ZNF268: variants seen among roughly 807,000 people sequenced by gnomAD.
ZNF268 encodes zinc finger protein 3.
Under a neutral mutation model 29.3 loss-of-function variants are expected in ZNF268, and 20 were observed. That is an observed-to-expected ratio of 0.68 (90% CI 0.48 to 0.99). The LOEUF is 0.99. Ranked by LOEUF, ZNF268 falls within the 50% of genes least tolerant of loss-of-function variation. The probability of loss-of-function intolerance (pLI) is 0.00; values close to 1 mark genes in which losing one functional copy is unlikely to be tolerated. For missense variants in ZNF268, 1,240 were observed against 1,121.6 expected (o/e 1.11, Z -1.51); for synonymous variants, 429 against 376.9 (o/e 1.14, Z -1.60).
Position 133,203,729 on chromosome 12 carries a change from C to T in ZNF268, c.2043C>T (p.Ser681=). 1 of 1,550,610 alleles carries T rather than the reference C, an allele frequency of 6.4e-7. No individual in the cohort carries two copies. The highest frequency in any genetic ancestry group is 8.7e-7 in the Non-Finnish European group (1 of 1,154,410). ...SQCAKTFSLK[S]QLIVHQRSHT... ...GTGCAAAAACCTTTAGTTTGAAGTC[C>T]CAGCTCATTGTACATCAGAGAAGTC... Residue 681 remains serine (S), a synonymous_variant, in exon 6 of 6, where the codon TCC becomes TCT. Transcript: ENST00000536435.
chr12:133,188,213 T>C, intron 3 of ZNF268, 141 bp downstream of exon 3: 1 of 750,676 alleles, frequency 1.3e-6, no homozygotes. Context: ...ACTTTTTTTT[T>C]TGAGACAGGG....
Position 133,203,263 on chromosome 12 carries a change from A to G in ZNF268, c.1577A>G (p.Lys526Arg). The G allele has an allele frequency of 6.5e-7, 1 of 1,538,510 alleles. No homozygotes were observed. The highest frequency in any genetic ancestry group is 8.7e-7 in the Non-Finnish European group (1 of 1,147,036). ...CATACAAGGACTCATACAGGAGAAAAACTCCATGAATGCAACAATTGTGGG... is the reference window on the plus strand; with the variant it reads ...CATACAAGGACTCATACAGGAGAAAGACTCCATGAATGCAACAATTGTGGG... ...IIHTRTHTGE[K>R]LHECNNCGKA... The change falls in exon 6 of 6, where the codon AAA becomes AGA. Residue 526 changes from lysine (K) to arginine (R), a missense_variant. By Grantham distance (26) the Lys-to-Arg change is conservative (BLOSUM62 2). Coordinates refer to ENST00000536435, the MANE Select transcript of ZNF268 (RefSeq NM_003415.3).
chr12:133,185,580 A>G (rs1163044811), intron 2 of ZNF268, among the ~76,000 whole-genome samples: 8 of 152,148 alleles, frequency 5.3e-5, no homozygotes, highest in African/African-American at 1.9e-4. Context: ...GAGCAGATGA[A>G]CACAGGTGCA....
chr12:133,197,638 G>T (rs1448524581), intron 5 of ZNF268, among the ~76,000 whole-genome samples: 1 of 152,190 alleles, frequency 6.6e-6, no homozygotes, highest in Admixed American at 6.5e-5. Flanking sequence ...GGTTGAACTA[G>T]TTTACAGTCC....
rs905403425 is a variant in ZNF268, at chr12:133,209,732, G to C, written c.*5202G>C. 2 of 152,242 alleles carry C rather than the reference G, an allele frequency of 1.3e-5. No homozygotes were observed. The highest frequency in any genetic ancestry group is 6.5e-5 in the Admixed American group (1 of 15,290). The allele number at this position is 152,242 out of a possible 1,614,324, so 9.4% of individuals were successfully genotyped here. A position where few individuals can be genotyped will look rare whatever the true frequency, so the allele number is the denominator to read the frequency against. On this transcript the variant is annotated 3_prime_UTR_variant, in exon 6 of 6. Coordinates refer to ENST00000536435, the MANE Select transcript of ZNF268 (RefSeq NM_003415.3). Reference sequence around the variant, plus strand: ...TCCAAGCTACTCAGGAGAATTGCTTGAACTGGAGAGGCGGAGGTTGCAGTG... The same window carrying C: ...TCCAAGCTACTCAGGAGAATTGCTTCAACTGGAGAGGCGGAGGTTGCAGTG...
chr12:133,203,248 C>G lies in ZNF268; in HGVS notation c.1562C>G (p.Thr521Ser). Residue 521 changes from threonine (T) to serine (S), a missense_variant, in exon 6 of 6, where the codon ACT (threonine) becomes AGT (serine). Thr to Ser is a moderately conservative substitution (Grantham distance 58). Around this residue, in one of 3 missense-constraint regions of ZNF268, gnomAD observed 1,177 missense variants for 1,039.6 expected, o/e 1.13. Coordinates refer to ENST00000536435, the MANE Select transcript of ZNF268 (RefSeq NM_003415.3). ...SKSYLIIHTR[T>S]HTGEKLHECN... ...TCATACCTTATTATACATACAAGGA[C>G]TCATACAGGAGAAAAACTCCATGAA... 3 of 1,537,964 alleles carry G rather than the reference C, an allele frequency of 2.0e-6. No individual in the cohort carries two copies. The highest frequency in any genetic ancestry group is 2.4e-5 in the East Asian group (1 of 40,870).
chr12:133,194,620 A>G (rs1241514820), intron 5 of ZNF268, among the ~76,000 whole-genome samples: 1 of 152,162 alleles, frequency 6.6e-6, no homozygotes, highest in African/African-American at 2.4e-5. Flanking sequence ...CCCCTGTCTG[A>G]GGGAGGCTCT....
chr12:133,198,170 C>G (rs1271051920), intron 5 of ZNF268, among the ~76,000 whole-genome samples: 1 of 147,668 alleles, frequency 6.8e-6, no homozygotes, highest in African/African-American at 2.5e-5. Context: ...GGTTTTAGGT[C>G]TAACGTTTAA....
chr12:133,210,662 G>T lies in ZNF268; in HGVS notation c.*6132G>T. Reference sequence around the variant, plus strand: ...GTGCCCTCGGGGGTCTCCGGGTCCTGAGTAGAAGCAAGGTCTGTTTGTCAC... The same window carrying T: ...GTGCCCTCGGGGGTCTCCGGGTCCTTAGTAGAAGCAAGGTCTGTTTGTCAC... On this transcript the variant is annotated 3_prime_UTR_variant, in exon 6 of 6. Transcript: ENST00000536435. 1 of 358,956 alleles carries T rather than the reference G, an allele frequency of 2.8e-6. No homozygotes were observed. The highest frequency in any genetic ancestry group is 2.0e-5 in the South Asian group (1 of 49,402). 22.2% of individuals were successfully genotyped at this position (358,956 alleles called of 1,614,324 possible). A position where few individuals can be genotyped will look rare whatever the true frequency, so the allele number is the denominator to read the frequency against.
chr12:133,193,955 TG>T (rs1250283849), intron 5 of ZNF268, among the ~76,000 whole-genome samples: 1 of 152,172 alleles, frequency 6.6e-6, no homozygotes, highest in Non-Finnish European at 1.5e-5. Context: ...TTCCTAACAC[TG>T]GGGAAGTCAG....
intron 5 of ZNF268, among the ~76,000 whole-genome samples, chr12:133,200,208 A>C (rs1049477407): frequency 1.8e-4 from 27 of 152,154 alleles, no homozygotes; most frequent in African/African-American, 6.5e-4. Flanking sequence ...AATGTGTCCC[A>C]GAGATTCTGG....
Position 133,214,814 on chromosome 12 carries a change from A to G in ZNF268, c.*10284A>G, listed in dbSNP as rs1030938715. ...TATTGTGTAAATTTTACCTCAATAA[A>G]AAAATCTAGTCCACAGCATTCCCTC... On this transcript the variant is annotated 3_prime_UTR_variant, in exon 6 of 6. Coordinates refer to ENST00000536435, the MANE Select transcript of ZNF268 (RefSeq NM_003415.3). 6.6e-6 allele frequency: 1 copy of G among 152,224 alleles called. No homozygotes were observed. Among genetic ancestry groups the G allele is most frequent in the Non-Finnish European group, 1.5e-5 (1 of 68,038 alleles). 9.4% of individuals were successfully genotyped at this position (152,224 alleles called of 1,614,324 possible).
At position 133,202,199 on chromosome 12, in the gene ZNF268, G is replaced by T; in HGVS notation, c.513G>T (p.Lys171Asn). Residue 171 changes from lysine (K) to asparagine (N), a missense_variant, in exon 6 of 6, where the codon AAG (lysine) becomes AAT (asparagine). By Grantham distance (94) the Lys-to-Asn change is moderately conservative (BLOSUM62 0). This residue lies in a region of ZNF268 where 1,177 missense variants were observed against 1,039.6 expected (regional missense o/e 1.13). Coordinates refer to ENST00000536435, the MANE Select transcript of ZNF268 (RefSeq NM_003415.3). Reference sequence around the variant, plus strand: ...ATTGGCATCAGGAAAATAAAGACAAGCTGGGAAGTACGGCAAAAAGCTTTG... The same window carrying T: ...ATTGGCATCAGGAAAATAAAGACAATCTGGGAAGTACGGCAAAAAGCTTTG... The part of the protein sequence containing the change: ...LMDWHQENKD[K>N]LGSTAKSFEC... 1 of 1,606,700 alleles carries T rather than the reference G, an allele frequency of 6.2e-7. No individual in the cohort carries two copies. The highest frequency in any genetic ancestry group is 8.5e-7 in the Non-Finnish European group (1 of 1,176,644).
rs1957001098 is a variant in ZNF268, at chr12:133,212,508, CACACACACAT to C, written c.*7986_*7995del. 3 of 25,124 alleles carry C rather than the reference CACACACACAT, an allele frequency of 1.2e-4. No individual in the cohort carries two copies. 1.6% of individuals were successfully genotyped at this position (25,124 alleles called of 1,614,324 possible). ...ATATATATATATATATGTATATATA[CACACACACAT>C]ACACACATATATACACATATATATA... On this transcript the variant is annotated 3_prime_UTR_variant, in exon 6 of 6. Coordinates refer to ENST00000536435, the MANE Select transcript of ZNF268 (RefSeq NM_003415.3).
intron 5 of ZNF268, 70 bp downstream of exon 5, chr12:133,192,073 C>A: frequency 7.5e-6 from 9 of 1,206,166 alleles, no homozygotes; most frequent in African/African-American, 1.5e-5. Context: ...ATGTGCTCCT[C>A]TTGTTTGTAC....
At chr12:133,182,884 T>C (rs945707495) in intron 2 of ZNF268, among the ~76,000 whole-genome samples, 1 of 152,126 alleles carries the variant, frequency 6.6e-6, no homozygotes, top group African/African-American at 2.4e-5. Context: ...AAACTTGGAT[T>C]GTATCACATA....
intron 1 of ZNF268, 67 bp from the exon 2 acceptor site, chr12:133,181,879 G>T: frequency 9.0e-7 from 1 of 1,116,448 alleles, no homozygotes; most frequent in Non-Finnish European, 1.3e-6. Context: ...CTGGTGCCTC[G>T]GACCCTCCCC....
At position 133,210,481 on chromosome 12, in the gene ZNF268, G is replaced by A. The variant is rs1956961925; in HGVS notation, c.*5951G>A. On this transcript the variant is annotated 3_prime_UTR_variant, in exon 6 of 6. Transcript: ENST00000536435. ...TGGATTTGCCCCACTAGGGTCCCTA[G>A]GTCAGTCCTGAAGAGAAACAAGCTC... is the stretch of plus-strand genomic sequence containing the variant. The A allele has an allele frequency of 4.4e-6, 1 of 227,196 alleles. No homozygotes were observed. Among genetic ancestry groups the A allele is most frequent in the Admixed American group, 5.0e-5 (1 of 19,976 alleles). 14.1% of individuals were successfully genotyped at this position (227,196 alleles called of 1,614,324 possible). A position where few individuals can be genotyped will look rare whatever the true frequency, so the allele number is the denominator to read the frequency against.
At position 133,207,332 on chromosome 12, in the gene ZNF268, GGTTT is replaced by G. The variant is rs1348872143; in HGVS notation, c.*2803_*2806del. 3.2e-4 allele frequency: 48 copies of G among 151,434 alleles called. No homozygotes were observed. The highest frequency in any genetic ancestry group is 1.0e-3 in the African/African-American group (43 of 41,308). 9.4% of individuals were successfully genotyped at this position (151,434 alleles called of 1,614,324 possible). ...TTAAAAATCCATATTTGTGAACATA[GGTTT>G]AAAAATCCATATTTGTGAACATAGG... On this transcript the variant is annotated 3_prime_UTR_variant, in exon 6 of 6. Transcript: ENST00000536435.
Sources: gnomAD v4.1 joint callset for allele counts (sites outside exome capture counted in the v4.1 genomes callset) on GRCh38, gnomAD v4.1.1 for gene constraint, gnomAD v4.1.1 regional missense constraint, MANE v1.5 for transcripts, NCBI Gene and HGNC (gene_info 2026-07-23, HGNC 2026-07-21) for gene names.